CTNNA2: variants seen among roughly 807,000 people sequenced by gnomAD.
CTNNA2 encodes the protein catenin alpha 2.
CTNNA2 carries 42 observed loss-of-function variants against 101.0 expected under a neutral mutation model. That is an observed-to-expected ratio of 0.42 (90% CI 0.32 to 0.54). The LOEUF is 0.54. Among genes scored for constraint, CTNNA2 ranks in the 20% least tolerant of loss-of-function variants. CTNNA2 has a pLI of 0.14. For missense variants in CTNNA2, 871 were observed against 1,223.1 expected (o/e 0.71, Z 4.29); for synonymous variants, 450 against 456.4 (o/e 0.99, Z 0.18).
chr2:80,326,019 A>G (rs886507168), intron 7 of CTNNA2, among the ~76,000 whole-genome samples: 1 of 152,206 alleles, frequency 6.6e-6, no homozygotes, highest in Non-Finnish European at 1.5e-5. Context: ...GTCATGTTAC[A>G]TAAGCAGAAA....
chr2:80,089,592 CA>C (rs577526199), intron 7 of CTNNA2, among the ~76,000 whole-genome samples: 1 of 150,994 alleles, frequency 6.6e-6, no homozygotes, highest in Admixed American at 6.6e-5. Context: ...CAACAAAATG[CA>C]AAAAAAATTA....
At chr2:80,342,490 C>T (rs1480763618) in intron 7 of CTNNA2, among the ~76,000 whole-genome samples, 1 of 152,182 alleles carries the variant, frequency 6.6e-6, no homozygotes, top group Non-Finnish European at 1.5e-5. Context: ...AGGGAGCAAG[C>T]AGTCATGGTC....
intron 2 of CTNNA2, among the ~76,000 whole-genome samples, chr2:79,680,120 T>C (rs796646644): frequency 1.3e-5 from 2 of 152,126 alleles, no homozygotes; most frequent in African/African-American, 4.8e-5. Flanking sequence ...CCTTATTGCC[T>C]CTCGGTGGCC....
chr2:79,292,968 T>C (rs1675865047), intron 2 of CTNNA2: 1 of 152,250 alleles, frequency 6.6e-6, no homozygotes, highest in African/African-American at 2.4e-5. Context: ...GTCCACAATA[T>C]TGCCTGCATT....
At chr2:80,483,370 A>T (rs944761727) in intron 9 of CTNNA2, among the ~76,000 whole-genome samples, 8 of 131,656 alleles carry the variant, frequency 6.1e-5, no homozygotes, top group East Asian at 2.3e-4. Flanking sequence ...TTGTTGTTTT[A>T]TATATATATA....
chr2:79,375,768 T>C (rs1175553770), intron 4 of CTNNA2, among the ~76,000 whole-genome samples: 3 of 152,192 alleles, frequency 2.0e-5, no homozygotes, highest in African/African-American at 7.2e-5. Flanking sequence ...CAAAAACATA[T>C]GAGCCACTTC....
Position 79,786,533 on chromosome 2 carries a change from T to A in CTNNA2, c.298+41951T>A, listed in dbSNP as rs1022046149. On this transcript the variant is annotated intron_variant, in intron 3 of 18. Coordinates refer to ENST00000402739, the MANE Select transcript of CTNNA2 (RefSeq NM_001282597.3). ...ATGTGTTGGGGGAATAGGCATTCTT[T>A]CCAGAAGAGTGGGCAGAGGTGAAAC... 2.6e-5 allele frequency among the ~76,000 whole-genome samples: 4 copies of A among 152,112 alleles called. No homozygotes were observed. The South Asian group carries it at 8.3e-4, about 32-fold the overall frequency.
intron 3 of CTNNA2, among the ~76,000 whole-genome samples, chr2:79,803,198 G>GA (rs1462207187): frequency 6.6e-6 from 1 of 152,010 alleles, no homozygotes; most frequent in Non-Finnish European, 1.5e-5. Flanking sequence ...TTGCAATCCT[G>GA]AAAAAAATGT....
intron 2 of CTNNA2, among the ~76,000 whole-genome samples, chr2:79,256,766 GT>G (rs1279615215): frequency 1.3e-5 from 2 of 152,170 alleles, no homozygotes; most frequent in Non-Finnish European, 2.9e-5. Flanking sequence ...TCTTCAATCT[GT>G]AGTAACCAGT....
At chr2:79,971,584 G>A (rs563355972) in intron 7 of CTNNA2, among the ~76,000 whole-genome samples, 32 of 152,242 alleles carry the variant, frequency 2.1e-4, no homozygotes, top group African/African-American at 7.2e-4. Flanking sequence ...TTTCAGAAGT[G>A]GGAAATATGG....
intron 1 of CTNNA2, among the ~76,000 whole-genome samples, chr2:79,617,858 C>G (rs1245738951): frequency 6.6e-6 from 1 of 152,136 alleles, no homozygotes; most frequent in Non-Finnish European, 1.5e-5. Flanking sequence ...GATTTTTCCT[C>G]TTATGCATCA....
chr2:79,721,860 G>A (rs988874849), intron 2 of CTNNA2, among the ~76,000 whole-genome samples: 2 of 152,124 alleles, frequency 1.3e-5, no homozygotes. Flanking sequence ...TGAAACAATA[G>A]CAATGTTTTT....
intron 1 of CTNNA2, among the ~76,000 whole-genome samples, chr2:79,591,657 G>C (rs1397150199): frequency 6.6e-6 from 1 of 152,082 alleles, no homozygotes; most frequent in Non-Finnish European, 1.5e-5. Flanking sequence ...CTTATTTTTA[G>C]TTTTTCTAAT....
intron 7 of CTNNA2, among the ~76,000 whole-genome samples, chr2:79,956,356 T>C (rs1355580919): frequency 2.0e-5 from 3 of 152,184 alleles, no homozygotes; most frequent in Non-Finnish European, 4.4e-5. Flanking sequence ...ATTATAAACA[T>C]GATCTTATAA....
At chr2:80,376,335 C>T (rs1021103305) in intron 7 of CTNNA2, among the ~76,000 whole-genome samples, 1 of 152,008 alleles carries the variant, frequency 6.6e-6, no homozygotes, top group South Asian at 2.1e-4. Flanking sequence ...TGTCTATTTT[C>T]TAGAATGACA....
At chr2:80,326,884 C>T (rs1236184440) in intron 7 of CTNNA2, among the ~76,000 whole-genome samples, 2 of 152,084 alleles carry the variant, frequency 1.3e-5, no homozygotes, top group African/African-American at 4.8e-5. Context: ...TCTCTTCCAT[C>T]CCTCCTTCCC....
intron 2 of CTNNA2, among the ~76,000 whole-genome samples, chr2:79,246,855 A>G (rs955482093): frequency 1.3e-5 from 2 of 152,250 alleles, no homozygotes; most frequent in African/African-American, 2.4e-5. Context: ...TTCAAGCTCT[A>G]TCTGAGGTAG....
At chr2:80,575,068 T>C (rs1694922854) in intron 13 of CTNNA2, 1 of 152,190 alleles carries the variant, frequency 6.6e-6, no homozygotes, top group African/African-American at 2.4e-5. Context: ...ATGACTTTTT[T>C]CTCCTTATCT....
intron 11 of CTNNA2, among the ~76,000 whole-genome samples, chr2:80,554,205 G>A (rs993532570): frequency 3.3e-5 from 5 of 152,014 alleles, no homozygotes; most frequent in African/African-American, 7.2e-5. Flanking sequence ...AGGGGAGATC[G>A]GTAGTGGAGA....
Sources: gnomAD v4.1 joint callset for allele counts (sites outside exome capture counted in the v4.1 genomes callset) on GRCh38, gnomAD v4.1.1 for gene constraint, MANE v1.5 for transcripts, NCBI Gene and HGNC (gene_info 2026-07-23, HGNC 2026-07-21) for gene names.